The following DCC variants were observed in gnomAD, a reference collection of about 807,000 sequenced individuals.
DCC encodes the protein DCC netrin 1 receptor.
DCC carries 58 observed loss-of-function variants against 172.5 expected under a neutral mutation model. The ratio of observed to expected loss-of-function variants is 0.34; its 90% CI spans 0.27 to 0.42. The LOEUF (loss-of-function observed/expected upper bound fraction) is 0.42. DCC is among the 10% of genes least tolerant of loss of function. The probability of loss-of-function intolerance (pLI) is 1.00; values close to 1 mark genes in which losing one functional copy is unlikely to be tolerated. For missense variants in DCC, 1,740 were observed against 1,791.0 expected (o/e 0.97, Z 0.51); for synonymous variants, 709 against 644.5 (o/e 1.10, Z -1.52).
chr18:53,307,447 A>G (rs532698269), intron 13 of DCC, among the ~76,000 whole-genome samples: 2 of 152,232 alleles, frequency 1.3e-5, no homozygotes, highest in South Asian at 2.1e-4. Flanking sequence ...ATATTTTAGT[A>G]TGGATTCTAA....
chr18:52,957,188 T>C (rs560448936), intron 5 of DCC, among the ~76,000 whole-genome samples: 1 of 152,268 alleles, frequency 6.6e-6, no homozygotes, highest in East Asian at 1.9e-4. Context: ...TTTATGATCA[T>C]TTATGATCTT....
chr18:52,816,977 T>A (rs1208606025), intron 2 of DCC: 1 of 152,190 alleles, frequency 6.6e-6, no homozygotes, highest in Non-Finnish European at 1.5e-5. Flanking sequence ...TCATCCTGAT[T>A]GTCCTTCCCT....
Position 52,925,298 on chromosome 18 carries a change from A to G in DCC, c.913A>G (p.Ser305Gly). ...TATCTCCAATGTGACAGATGATGAC[A>G]GTGGAATGTATACCTGTGTTGTCAC... is the stretch of plus-strand genomic sequence containing the variant. ...LLISNVTDDD[S>G]GMYTCVVTYK... The change falls in exon 5 of 29, where the codon AGT becomes GGT. Residue 305 changes from serine (S) to glycine (G), a missense_variant. Coordinates refer to ENST00000442544, the MANE Select transcript of DCC (RefSeq NM_005215.4). The G allele has an allele frequency of 1.2e-6, 2 of 1,612,520 alleles. No individual in the cohort carries two copies. Among genetic ancestry groups the G allele is most frequent in the Non-Finnish European group, 1.7e-6 (2 of 1,178,726 alleles).
chr18:52,899,604 C>T (rs2039781440), intron 2 of DCC, among the ~76,000 whole-genome samples: 1 of 152,028 alleles, frequency 6.6e-6, no homozygotes, highest in Non-Finnish European at 1.5e-5. Context: ...ATCCGCCCGC[C>T]TCAGCCTCAC....
At position 53,462,374 on chromosome 18, in the gene DCC, G is replaced by A. The variant is rs184396255; in HGVS notation, c.3619+2916G>A. ...CCAGCAGCAGCACTGGATTCTTATA[G>A]GAGCATGAACCCTATTGTGAAGTGC... On this transcript the variant is annotated intron_variant, in intron 24 of 28. Coordinates refer to ENST00000442544, the MANE Select transcript of DCC (RefSeq NM_005215.4). Among the ~76,000 whole-genome samples, 96 of 152,064 alleles carry A rather than the reference G, an allele frequency of 6.3e-4. 1 individual carries two copies. Among genetic ancestry groups the A allele is most frequent in the African/African-American group, 2.3e-3 (94 of 41,478 alleles).
At chr18:52,404,692 A>G (rs963650814) in intron 1 of DCC, among the ~76,000 whole-genome samples, 8 of 150,666 alleles carry the variant, frequency 5.3e-5, no homozygotes, top group Non-Finnish European at 1.2e-4. Context: ...TTTAAGTTTT[A>G]GGGTACATGT....
chr18:53,100,557 A>C (rs1456506969), intron 7 of DCC, among the ~76,000 whole-genome samples: 1 of 151,912 alleles, frequency 6.6e-6, no homozygotes, highest in Non-Finnish European at 1.5e-5. Flanking sequence ...AAAGGGAAGA[A>C]AGGGAGTAGA....
chr18:52,926,720 C>A (rs760937205), intron 5 of DCC, among the ~76,000 whole-genome samples: 1 of 150,346 alleles, frequency 6.7e-6, no homozygotes, highest in Non-Finnish European at 1.5e-5. Flanking sequence ...TGTAATGGTT[C>A]GTTGATATCT....
chr18:52,504,667 G>T (rs2031164107), intron 1 of DCC, among the ~76,000 whole-genome samples: 2 of 152,068 alleles, frequency 1.3e-5, no homozygotes, highest in Middle Eastern at 3.2e-3. Flanking sequence ...TCAGAAGTGG[G>T]ATATCTCAAA....
intron 12 of DCC, among the ~76,000 whole-genome samples, chr18:53,286,901 T>A (rs1275051005): frequency 6.6e-6 from 1 of 152,176 alleles, no homozygotes; most frequent in Non-Finnish European, 1.5e-5. Context: ...GGCATATATA[T>A]AACAAGACTG....
intron 1 of DCC, among the ~76,000 whole-genome samples, chr18:52,669,762 A>C (rs532835083): frequency 1.3e-5 from 2 of 152,308 alleles, no homozygotes; most frequent in East Asian, 3.9e-4. Flanking sequence ...CCCCACCTCC[A>C]TGGGGGTTAC....
chr18:52,610,169 AAAAAAAAAAATATATATATATATATATAT>A (rs2034232873), intron 1 of DCC, among the ~76,000 whole-genome samples: 3 of 27,252 alleles, frequency 1.1e-4, no homozygotes, highest in Non-Finnish European at 1.9e-4. Context: ...AAAAAAAAAA[AAAAAAAAAAATATATATATATATATATAT>A]ATATATATAT....
intron 28 of DCC, among the ~76,000 whole-genome samples, chr18:53,528,929 A>G (rs2046488732): frequency 6.6e-6 from 1 of 151,956 alleles, no homozygotes; most frequent in Non-Finnish European, 1.5e-5. Flanking sequence ...AAATCTAGAC[A>G]GTTTGAGAAC....
chr18:52,915,123 A>G (rs939069073), intron 3 of DCC, among the ~76,000 whole-genome samples: 8 of 152,314 alleles, frequency 5.3e-5, no homozygotes, highest in East Asian at 1.9e-4. Flanking sequence ...TCAACAGTCC[A>G]TAATTTAATT....
chr18:52,913,030 G>C (rs573028482), intron 3 of DCC, among the ~76,000 whole-genome samples: 12 of 152,158 alleles, frequency 7.9e-5, no homozygotes, highest in African/African-American at 2.9e-4. Context: ...ACCAAAAGAA[G>C]ATAGGATACC....
chr18:52,862,888 A>T (rs1351564215), intron 2 of DCC, among the ~76,000 whole-genome samples: 1 of 152,108 alleles, frequency 6.6e-6, no homozygotes, highest in Non-Finnish European at 1.5e-5. Context: ...GATAGATAGA[A>T]ATATTTTACT....
intron 1 of DCC, among the ~76,000 whole-genome samples, chr18:52,602,363 T>C (rs533544341): frequency 4.7e-4 from 71 of 151,742 alleles, no homozygotes; most frequent in African/African-American, 1.7e-3. Flanking sequence ...ATTGCTAATT[T>C]TCTCAAATGT....
chr18:52,529,794 A>G (rs1185738215), intron 1 of DCC, among the ~76,000 whole-genome samples: 1 of 152,078 alleles, frequency 6.6e-6, no homozygotes, highest in Non-Finnish European at 1.5e-5. Context: ...CTTCTTATCC[A>G]CCTTCTTATC....
chr18:52,762,899 G>A (rs8089912), intron 2 of DCC, among the ~76,000 whole-genome samples: 20,062 of 152,124 alleles, frequency 0.13, 3,125 homozygotes, highest in African/African-American at 0.38. Flanking sequence ...CATATTTCCC[G>A]TGATGATCTG....
Sources: allele counts gnomAD v4.1 joint callset (sites outside exome capture counted in the v4.1 genomes callset), GRCh38; gene constraint gnomAD v4.1.1; transcripts MANE v1.5; gene names NCBI Gene and HGNC (gene_info 2026-07-23, HGNC 2026-07-21).